Variants in RHOD observed in about 807,000 individuals in gnomAD.
RHOD encodes the protein rho-related GTP-binding protein RhoD.
In RHOD, 11 loss-of-function variants were observed where a neutral mutation model predicts 16.7. The ratio of observed to expected loss-of-function variants is 0.66; its 90% CI spans 0.41 to 1.09. The LOEUF is 1.09. Ranked by LOEUF, RHOD falls within the 50% of genes least tolerant of loss-of-function variation. The pLI, the probability that RHOD is intolerant of heterozygous loss-of-function variation, is 0.00. For missense variants in RHOD, 271 were observed against 291.7 expected, an observed-to-expected ratio of 0.93 and a Z score of 0.52; for synonymous variants, 124 against 126.3, an observed-to-expected ratio of 0.98 and a Z score of 0.12.
chr11:67,064,132 C>A, intron 1 of RHOD, among the ~76,000 whole-genome samples: 1 of 112,858 alleles, frequency 8.9e-6, no homozygotes, highest in African/African-American at 3.5e-5. Context: ...AAAGGCCGGG[C>A]GCGGTGGCTC....
At chr11:67,068,337 C>G (rs1025694429) in intron 3 of RHOD, among the ~76,000 whole-genome samples, 1 of 152,054 alleles carries the variant, frequency 6.6e-6, no homozygotes, top group South Asian at 2.1e-4. Context: ...GGGAGAGCAG[C>G]TAGAGGAGAG....
chr11:67,063,508 T>TAAAAA (rs58807370), intron 1 of RHOD, among the ~76,000 whole-genome samples: 5,836 of 131,530 alleles, frequency 0.044, 228 homozygotes, highest in African/African-American at 0.1. Flanking sequence ...TTTTTTTTTT[T>TAAAAA]AAAAAAAGGC....
chr11:67,057,081 G>A, intron 1 of RHOD, 47 bp downstream of exon 1: 2 of 1,395,130 alleles, frequency 1.4e-6, no homozygotes, highest in Non-Finnish European at 9.2e-7. Flanking sequence ...TCGCGCGCCC[G>A]GGTGTACAGG....
intron 2 of RHOD, among the ~76,000 whole-genome samples, chr11:67,066,411 C>T (rs1854959675): frequency 6.6e-6 from 1 of 152,226 alleles, no homozygotes; most frequent in African/African-American, 2.4e-5. Flanking sequence ...TGCCAGGTTC[C>T]CACCTACCCC....
chr11:67,057,069 G>A (rs1180355897), intron 1 of RHOD, 35 bp downstream of exon 1: 1 of 1,403,972 alleles, frequency 7.1e-7, no homozygotes, highest in Non-Finnish European at 9.2e-7. Context: ...GCCCGGTTCC[G>A]CTCGCGCGCC....
At position 67,069,258 on chromosome 11, in the gene RHOD, A is replaced by G. The variant is rs1379202088; in HGVS notation, c.331-1167A>G. On this transcript the variant is annotated intron_variant, in intron 3 of 4. Coordinates refer to ENST00000308831, the MANE Select transcript of RHOD (RefSeq NM_014578.4). Reference sequence around the variant, plus strand: ...CCCCAGCTGTAGTCCAGGCTGAAAGAACTCGGCCCTGGTGGCCTCACATTC... The same window carrying G: ...CCCCAGCTGTAGTCCAGGCTGAAAGGACTCGGCCCTGGTGGCCTCACATTC... Among the ~76,000 whole-genome samples the G allele has an allele frequency of 2.0e-5, 3 of 152,216 alleles. No homozygotes were observed. The East Asian group carries it at 5.8e-4, about 29-fold the overall frequency.
Position 67,056,888 on chromosome 11 carries a change from G to A in RHOD, c.-15G>A, listed in dbSNP as rs1854817834. On this transcript the variant is annotated 5_prime_UTR_variant, in exon 1 of 5. Coordinates refer to ENST00000308831, the MANE Select transcript of RHOD (RefSeq NM_014578.4). ...CCGCAGCCGCCCGCCCGCCCGCTCA[G>A]CGCCCGGCCCCGGGATGACGGCGGC... is the stretch of plus-strand genomic sequence containing the variant. 7 of 1,402,224 alleles carry A rather than the reference G, an allele frequency of 5.0e-6. No homozygotes were observed. Among genetic ancestry groups the A allele is most frequent in the African/African-American group, 3.0e-5 (2 of 65,650 alleles). 86.9% of individuals were successfully genotyped at this position (1,402,224 alleles called of 1,614,324 possible). A position where few individuals can be genotyped will look rare whatever the true frequency, so the allele number is the denominator to read the frequency against.
Position 67,056,873 on chromosome 11 carries a change from C to T in RHOD, c.-30C>T. 7.3e-7 allele frequency: 1 copy of T among 1,364,616 alleles called. No individual in the cohort carries two copies. Among genetic ancestry groups the T allele is most frequent in the Non-Finnish European group, 9.3e-7 (1 of 1,070,592 alleles). The allele number at this position is 1,364,616 out of a possible 1,614,324, so 84.5% of individuals were successfully genotyped here. On this transcript the variant is annotated 5_prime_UTR_variant, in exon 1 of 5. Coordinates refer to ENST00000308831, the MANE Select transcript of RHOD (RefSeq NM_014578.4). ...GTCTGGGTCTCTGCGCCGCAGCCGC[C>T]CGCCCGCCCGCTCAGCGCCCGGCCC...
intron 1 of RHOD, among the ~76,000 whole-genome samples, chr11:67,057,544 C>A (rs180969769): frequency 6.6e-6 from 1 of 152,178 alleles, no homozygotes. Context: ...GAAGGACTCA[C>A]GGAGAGTTGG....
chr11:67,061,720 G>A (rs1296744855), intron 1 of RHOD, among the ~76,000 whole-genome samples: 1 of 130,458 alleles, frequency 7.7e-6, no homozygotes, highest in South Asian at 2.4e-4. Flanking sequence ...TCCAGGAGGC[G>A]ACAGAGCGAG....
chr11:67,062,445 AG>A (rs1036765318), intron 1 of RHOD, among the ~76,000 whole-genome samples: 2 of 151,830 alleles, frequency 1.3e-5, no homozygotes, highest in Non-Finnish European at 2.9e-5. Flanking sequence ...TGAGCAGGCA[AG>A]GGGGGATGGA....
chr11:67,057,845 C>T (rs1455079109), intron 1 of RHOD, among the ~76,000 whole-genome samples: 3 of 152,192 alleles, frequency 2.0e-5, no homozygotes, highest in Non-Finnish European at 4.4e-5. Context: ...ATGTCCTTGG[C>T]GCTGTAGGCA....
Position 67,071,527 on chromosome 11 carries a change from C to A in RHOD, c.558C>A (p.Ala186=), listed in dbSNP as rs765662992. The A allele has an allele frequency of 3.7e-6, 6 of 1,611,906 alleles. No individual in the cohort carries two copies. Among genetic ancestry groups the A allele is most frequent in the Non-Finnish European group, 5.1e-6 (6 of 1,179,428 alleles). ...ACGTCCACGCCGTCTTCCAGGAGGC[C>A]GCCGAGGTGGCCCTCAGCAGCCGCG... ...HDNVHAVFQE[A]AEVALSSRGR... The change falls in exon 5 of 5, where the codon GCC becomes GCA. Residue 186 remains alanine, a synonymous_variant. Coordinates refer to ENST00000308831, the MANE Select transcript of RHOD (RefSeq NM_014578.4).
chr11:67,066,121 C>G (rs1854956802), intron 2 of RHOD, 138 bp downstream of exon 2: 1 of 727,610 alleles, frequency 1.4e-6, no homozygotes, highest in African/African-American at 1.8e-5. Context: ...GGAGTGGGCC[C>G]AGGAGTCTGA....
chr11:67,057,189 A>C (rs1854823708), intron 1 of RHOD, among the ~76,000 whole-genome samples, 155 bp downstream of exon 1: 1 of 152,184 alleles, frequency 6.6e-6, no homozygotes, highest in Non-Finnish European at 1.5e-5. Context: ...CGCCCCAGCC[A>C]TTGGGAATGA....
chr11:67,067,825 A>G (rs1854977300), intron 3 of RHOD, among the ~76,000 whole-genome samples: 1 of 151,920 alleles, frequency 6.6e-6, no homozygotes, highest in Admixed American at 6.6e-5. Context: ...TTTGAAACGG[A>G]GTCTTGCTCT....
At position 67,070,484 on chromosome 11, in the gene RHOD, G is replaced by A; in HGVS notation, c.390G>A (p.Lys130=). Reference sequence around the variant, plus strand: ...TACCCATCATCGTCGTGGGCTGCAAGACTGACCTGCGCAAGGACAAATCAC... The same window carrying A: ...TACCCATCATCGTCGTGGGCTGCAAAACTGACCTGCGCAAGGACAAATCAC... ...KKVPIIVVGC[K]TDLRKDKSLV... is the part of the protein sequence containing the mutation. The change falls in exon 4 of 5, where the codon AAG becomes AAA. Residue 130 remains lysine (K), a synonymous_variant. Transcript: ENST00000308831. The A allele has an allele frequency of 6.2e-7, 1 of 1,614,132 alleles. No individual in the cohort carries two copies. Among genetic ancestry groups the A allele is most frequent in the South Asian group, 1.1e-5 (1 of 91,090 alleles).
chr11:67,071,245 A>C (rs1474894283), intron 4 of RHOD, among the ~76,000 whole-genome samples, 190 bp from the exon 5 acceptor site: 1 of 152,130 alleles, frequency 6.6e-6, no homozygotes, highest in Non-Finnish European at 1.5e-5. Context: ...CAAAAAAATA[A>C]TAATAATAAA....
intron 1 of RHOD, among the ~76,000 whole-genome samples, chr11:67,064,132 C>T (rs1349886307): frequency 9.7e-5 from 11 of 112,850 alleles, no homozygotes; most frequent in African/African-American, 3.9e-4. Context: ...AAAGGCCGGG[C>T]GCGGTGGCTC....
Sources: allele counts gnomAD v4.1 joint callset (sites outside exome capture counted in the v4.1 genomes callset), GRCh38; gene constraint gnomAD v4.1.1; transcripts MANE v1.5; gene names NCBI Gene and HGNC (gene_info 2026-07-23, HGNC 2026-07-21).